Variants in KLRF2 observed in about 807,000 individuals in gnomAD.
KLRF2 encodes killer cell lectin-like receptor subfamily F member 2.
In KLRF2, 28 loss-of-function variants were observed where a neutral mutation model predicts 25.3. The ratio of observed to expected loss-of-function variants is 1.11; its 90% confidence interval spans 0.82 to 1.52. KLRF2 has a LOEUF of 1.52. Among genes scored for constraint, KLRF2 ranks in the 40% most tolerant of loss-of-function variants. The pLI is 0.00. For missense variants in KLRF2, 265 were observed against 245.8 expected, an observed-to-expected ratio of 1.08 and a Z score of -0.52; for synonymous variants, 73 against 85.0, an observed-to-expected ratio of 0.86 and a Z score of 0.78.
At position 9,894,908 on chromosome 12, in the gene KLRF2, T is replaced by C. The variant is rs111860694; in HGVS notation, c.480-781T>C. On this transcript the variant is annotated intron_variant, in intron 5 of 5. Coordinates refer to ENST00000535540, the MANE Select transcript of KLRF2 (RefSeq NM_001190765.1). ...AACCAGCATTACTATAAAGGTAAAA[T>C]ATCACTTTTAAAAGCTTTTATCTTA... 9.6e-3 allele frequency among the ~76,000 whole-genome samples: 1,459 copies of C among 152,248 alleles called. 19 individuals are homozygous for C. Among genetic ancestry groups the C allele is most frequent in the African/African-American group, 0.034 (1,404 of 41,560 alleles).
chr12:9,893,128 T>C lies in KLRF2; in HGVS notation c.326T>C (p.Leu109Pro). The change falls in exon 4 of 6, where the codon CTA becomes CCA. Residue 109 changes from leucine to proline, a missense_variant. Transcript: ENST00000535540. ...GAGAGTCAACGTGATTGTACACAGC[T>C]ACAGGCACATTTACTGGTGATTCAA... ...WKESQRDCTQLQAHLLVIQNL... is the reference protein window; with the variant it reads ...WKESQRDCTQPQAHLLVIQNL... 1.3e-6 allele frequency: 2 copies of C among 1,535,272 alleles called. No individual in the cohort carries two copies. Among genetic ancestry groups the C allele is most frequent in the Non-Finnish European group, 1.7e-6 (2 of 1,146,418 alleles).
chr12:9,886,613 A>G (rs1862600291), intron 2 of KLRF2, among the ~76,000 whole-genome samples: 2 of 152,104 alleles, frequency 1.3e-5, no homozygotes, highest in African/African-American at 2.4e-5. Flanking sequence ...TACAATGCTT[A>G]TTACCAATTA....
chr12:9,889,173 C>G (rs1029308913), intron 3 of KLRF2, among the ~76,000 whole-genome samples: 1 of 152,160 alleles, frequency 6.6e-6, no homozygotes, highest in Non-Finnish European at 1.5e-5. Flanking sequence ...GCCAACTGTT[C>G]ACATGAATTT....
intron 3 of KLRF2, among the ~76,000 whole-genome samples, chr12:9,892,605 A>G (rs1351824652): frequency 8.6e-6 from 1 of 116,046 alleles, no homozygotes; most frequent in African/African-American, 3.2e-5. Flanking sequence ...TTTTTTTGAG[A>G]CAGAGTTTCG....
chr12:9,893,631 T>C, intron 5 of KLRF2, 90 bp downstream of exon 5: 1 of 487,628 alleles, frequency 2.1e-6, no homozygotes, highest in Non-Finnish European at 3.5e-6. Context: ...TTTTCCTTCT[T>C]TCTCTGTTTT....
At position 9,888,113 on chromosome 12, in the gene KLRF2, CAG is replaced by C. The variant is rs1051316575; in HGVS notation, c.170-618_170-617del. ...ATAAAAATGAAAAAAAAAAAGAAAA[CAG>C]AATGTCAATTAAAAAGTCCAGTGAA... On this transcript the variant is annotated intron_variant, in intron 2 of 5. Coordinates refer to ENST00000535540, the MANE Select transcript of KLRF2 (RefSeq NM_001190765.1). Among the ~76,000 whole-genome samples the C allele has an allele frequency of 2.8e-4, 21 of 76,318 alleles. 1 individual carries two copies. The East Asian group carries it at 5.8e-3, about 21-fold the overall frequency. 50.1% of individuals were successfully genotyped at this position (76,318 alleles called of 152,430 possible). A position where few individuals can be genotyped will look rare whatever the true frequency, so the allele number is the denominator to read the frequency against.
At chr12:9,884,601 T>TTA (rs1258789602) in intron 1 of KLRF2, among the ~76,000 whole-genome samples, 1 of 148,580 alleles carries the variant, frequency 6.7e-6, no homozygotes, top group Non-Finnish European at 1.5e-5. Flanking sequence ...TTGTATATAT[T>TTA]TATATTTTAT....
chr12:9,885,907 C>A (rs1382338931), intron 2 of KLRF2, among the ~76,000 whole-genome samples: 3 of 151,948 alleles, frequency 2.0e-5, no homozygotes, highest in Non-Finnish European at 4.4e-5. Context: ...ACCAGTAATT[C>A]TAAGAAGTTG....
chr12:9,883,040 T>A (rs1264802287), intron 1 of KLRF2, among the ~76,000 whole-genome samples: 2 of 152,206 alleles, frequency 1.3e-5, no homozygotes, highest in Non-Finnish European at 2.9e-5. Context: ...ATTTAAATTA[T>A]GAATGAAGGA....
rs879291801 is a variant in KLRF2 at position 9,890,426 on chromosome 12, C to T, written c.217+1646C>T. On this transcript the variant is annotated intron_variant, in intron 3 of 5. Coordinates refer to ENST00000535540, the MANE Select transcript of KLRF2 (RefSeq NM_001190765.1). ...GGTTCCTCTTCCAAGCTCTCTCTTA[C>T]GGTGTTGGCACAATTATTTGTGGTT... is the stretch of plus-strand genomic sequence containing the variant. 4.6e-5 allele frequency among the ~76,000 whole-genome samples: 7 copies of T among 152,118 alleles called. No homozygotes were observed. In the East Asian group the frequency reaches 7.7e-4, roughly 17 times the overall value.
rs1862697178 is a variant in KLRF2, at chr12:9,892,892, T to G, written c.218-128T>G. 6 of 801,340 alleles carry G rather than the reference T, an allele frequency of 7.5e-6. No individual in the cohort carries two copies. The South Asian group carries it at 1.2e-4, about 15-fold the overall frequency. 49.6% of individuals were successfully genotyped at this position (801,340 alleles called of 1,614,324 possible). A position where few individuals can be genotyped will look rare whatever the true frequency, so the allele number is the denominator to read the frequency against. On this transcript the variant is annotated intron_variant, in intron 3 of 5. Coordinates refer to ENST00000535540, the MANE Select transcript of KLRF2 (RefSeq NM_001190765.1). ...AGCCACCGCGCCTGGTCTGAACTCCTTTTTATTGACCAAAAAAAAAAAAAT... is the reference window on the plus strand; with the variant it reads ...AGCCACCGCGCCTGGTCTGAACTCCGTTTTATTGACCAAAAAAAAAAAAAT...
At chr12:9,888,918 C>T in intron 3 of KLRF2, 138 bp downstream of exon 3, 1 of 504,134 alleles carries the variant, frequency 2.0e-6, no homozygotes, top group Admixed American at 3.1e-5. Context: ...AAAGGACATC[C>T]TCTTCCTCAG....
At chr12:9,890,720 T>C (rs1265354866) in intron 3 of KLRF2, among the ~76,000 whole-genome samples, 1 of 152,214 alleles carries the variant, frequency 6.6e-6, no homozygotes, top group Non-Finnish European at 1.5e-5. Context: ...TCTTCTTTTG[T>C]TTTCAAAATC....
chr12:9,890,508 C>T (rs553691350), intron 3 of KLRF2, among the ~76,000 whole-genome samples: 3 of 152,296 alleles, frequency 2.0e-5, no homozygotes, highest in South Asian at 4.1e-4. Flanking sequence ...CTCTAAGCTT[C>T]GGGAGGCCTC....
Position 9,881,585 on chromosome 12 carries a change from C to T in KLRF2, c.-11C>T. 6.6e-7 allele frequency: 1 copy of T among 1,516,416 alleles called. No individual in the cohort carries two copies. The highest frequency in any genetic ancestry group is 1.2e-5 in the South Asian group (1 of 83,534). 93.9% of individuals were successfully genotyped at this position (1,516,416 alleles called of 1,614,324 possible). On this transcript the variant is annotated 5_prime_UTR_variant, in exon 1 of 6. Coordinates refer to ENST00000535540, the MANE Select transcript of KLRF2 (RefSeq NM_001190765.1). ...ATTTTCTGGATAATAAGACATTAGACATTTGAAGAGATGGAGAATGAAGAT... is the reference window on the plus strand; with the variant it reads ...ATTTTCTGGATAATAAGACATTAGATATTTGAAGAGATGGAGAATGAAGAT...
At position 9,895,767 on chromosome 12, in the gene KLRF2, C is replaced by T. The variant is rs1300472382; in HGVS notation, c.558C>T (p.Ser186=). The change falls in exon 6 of 6, where the codon AGC becomes AGT. Residue 186 remains serine (S), a synonymous_variant. Coordinates refer to ENST00000535540, the MANE Select transcript of KLRF2 (RefSeq NM_001190765.1). ...ACTGGGTGTATTCTGAAGACTGTAG[C>T]TCCACATTTAAGGGCATTTGCCAGA... is the stretch of plus-strand genomic sequence containing the variant. The part of the protein sequence containing the change: ...TGNWVYSEDC[S]STFKGICQRD... The T allele has an allele frequency of 1.3e-5, 20 of 1,535,746 alleles. No individual in the cohort carries two copies. The highest frequency in any genetic ancestry group is 1.5e-5 in the Non-Finnish European group (17 of 1,146,772).
chr12:9,891,164 T>C (rs1862672114), intron 3 of KLRF2, among the ~76,000 whole-genome samples: 1 of 152,136 alleles, frequency 6.6e-6, no homozygotes, highest in African/African-American at 2.4e-5. Context: ...TACAAAGATA[T>C]TTTAGAAACT....
intron 2 of KLRF2, among the ~76,000 whole-genome samples, chr12:9,886,304 A>G (rs911705549): frequency 6.6e-6 from 1 of 152,156 alleles, no homozygotes; most frequent in African/African-American, 2.4e-5. Context: ...GACCATAAAT[A>G]TTTATATCTC....
Position 9,893,124 on chromosome 12 carries a change from C to A in KLRF2, c.322C>A (p.Gln108Lys), listed in dbSNP as rs1465606160. 2.0e-6 allele frequency: 3 copies of A among 1,535,132 alleles called. No individual in the cohort carries two copies. Among genetic ancestry groups the A allele is most frequent in the Non-Finnish European group, 2.6e-6 (3 of 1,146,394 alleles). The change falls in exon 4 of 6, where the codon CAG becomes AAG. Residue 108 changes from glutamine (Q) to lysine (K), a missense_variant. Physicochemically the swap from Gln to Lys is moderately conservative, Grantham distance 53. Transcript: ENST00000535540. ...GAAAGAGAGTCAACGTGATTGTACA[C>A]AGCTACAGGCACATTTACTGGTGAT... ...TWKESQRDCT[Q>K]LQAHLLVIQN...
Sources: gnomAD v4.1 joint callset for allele counts (sites outside exome capture counted in the v4.1 genomes callset) on GRCh38, gnomAD v4.1.1 for gene constraint, MANE v1.5 for transcripts, NCBI Gene and HGNC (gene_info 2026-07-23, HGNC 2026-07-21) for gene names.